UGGT2: variants seen among roughly 807,000 people sequenced by gnomAD.
UGGT2 encodes the protein UDP-glucose glycoprotein glucosyltransferase 2.
In UGGT2, 180 loss-of-function variants were observed where a neutral mutation model predicts 192.1. That is an observed-to-expected ratio of 0.94 (90% CI 0.83 to 1.06). The LOEUF (loss-of-function observed/expected upper bound fraction) is 1.06. UGGT2 is among the 50% of genes least tolerant of loss of function. The pLI, the probability that UGGT2 is intolerant of heterozygous loss-of-function variation, is 0.00. For synonymous variants in UGGT2, 580 were observed against 591.0 expected (o/e 0.98, Z 0.27); for missense variants, 1,849 against 1,795.7 (o/e 1.03, Z -0.54).
chr13:95,855,560 T>C (rs930360249), intron 34 of UGGT2, among the ~76,000 whole-genome samples: 2 of 151,352 alleles, frequency 1.3e-5, no homozygotes, highest in African/African-American at 4.9e-5. Flanking sequence ...TCTCACTCTT[T>C]CACTCAGGCT....
At chr13:95,915,951 G>A (rs1409612296) in intron 20 of UGGT2, among the ~76,000 whole-genome samples, 6 of 152,182 alleles carry the variant, frequency 3.9e-5, no homozygotes, top group South Asian at 2.1e-4. Flanking sequence ...TCTGCAGTTC[G>A]GTTGACTCAG....
chr13:95,962,599 C>G (rs1245712460), intron 12 of UGGT2, among the ~76,000 whole-genome samples: 1 of 152,090 alleles, frequency 6.6e-6, no homozygotes, highest in East Asian at 1.9e-4. Context: ...GGCTTTACTA[C>G]CTAATTCTAC....
At chr13:95,911,724 A>G (rs1483914557) in intron 20 of UGGT2, among the ~76,000 whole-genome samples, 1 of 152,194 alleles carries the variant, frequency 6.6e-6, no homozygotes, top group Non-Finnish European at 1.5e-5. Flanking sequence ...AATCCTCCCT[A>G]ACTCAACTTA....
At chr13:95,862,195 C>A (rs1478387713) in intron 31 of UGGT2, among the ~76,000 whole-genome samples, 1 of 152,060 alleles carries the variant, frequency 6.6e-6, no homozygotes, top group Non-Finnish European at 1.5e-5. Flanking sequence ...ATTTTTCTTA[C>A]CAAACAAGGA....
intron 13 of UGGT2, among the ~76,000 whole-genome samples, chr13:95,948,745 A>G (rs1186726876): frequency 6.6e-6 from 1 of 152,200 alleles, no homozygotes; most frequent in Admixed American, 6.5e-5. Context: ...TAACATTAAT[A>G]TGGTTATTAT....
intron 5 of UGGT2, among the ~76,000 whole-genome samples, chr13:96,005,356 G>T (rs2051939439): frequency 6.6e-6 from 1 of 152,130 alleles, no homozygotes; most frequent in Admixed American, 6.5e-5. Flanking sequence ...AGAGTGTGAA[G>T]CCCCTGGTAG....
chr13:95,966,117 C>T (rs927085499), intron 12 of UGGT2, among the ~76,000 whole-genome samples: 10 of 152,086 alleles, frequency 6.6e-5, no homozygotes, highest in Admixed American at 5.9e-4. Flanking sequence ...GCACTATTCA[C>T]GATAGCAAAC....
At chr13:95,836,402 G>A (rs1053060576) in intron 37 of UGGT2, among the ~76,000 whole-genome samples, 27 of 152,094 alleles carry the variant, frequency 1.8e-4, no homozygotes, top group African/African-American at 6.3e-4. Flanking sequence ...AATACAGAAA[G>A]CCTGAAATTG....
chr13:96,001,705 A>T (rs2051810665), intron 5 of UGGT2, among the ~76,000 whole-genome samples: 1 of 152,216 alleles, frequency 6.6e-6, no homozygotes, highest in South Asian at 2.1e-4. Context: ...AGATTTTCTT[A>T]TAAATTTTTA....
intron 20 of UGGT2, among the ~76,000 whole-genome samples, chr13:95,915,186 T>C (rs751923949): frequency 1.5e-4 from 23 of 152,212 alleles, no homozygotes; most frequent in Non-Finnish European, 3.1e-4. Context: ...AGTATTTGAA[T>C]TGTTAATTCC....
intron 25 of UGGT2, among the ~76,000 whole-genome samples, chr13:95,889,679 A>G (rs1357733672): frequency 6.6e-6 from 1 of 152,196 alleles, no homozygotes; most frequent in Non-Finnish European, 1.5e-5. Flanking sequence ...TTCTAAGTAA[A>G]ATGGTAAGCC....
At chr13:95,909,931 A>G (rs1380888334) in intron 20 of UGGT2, among the ~76,000 whole-genome samples, 1 of 152,082 alleles carries the variant, frequency 6.6e-6, no homozygotes. Context: ...AGTGGGGGAC[A>G]ATATTCAACA....
At chr13:95,972,786 G>A in intron 10 of UGGT2, 115 bp from the exon 11 acceptor site, 2 of 713,148 alleles carry the variant, frequency 2.8e-6, no homozygotes, top group East Asian at 2.7e-5. Context: ...GGTTTGGCAG[G>A]CCATACAGTC....
Position 96,001,419 on chromosome 13 carries a change from A to G in UGGT2, c.661-2112T>C, listed in dbSNP as rs553713893. ...TTTCCTTTACCTGCCCAAATCTTAT[A>G]AAACGGCCCCACCCCATCTCCCTTC... On this transcript the variant is annotated intron_variant, in intron 5 of 38. Transcript: ENST00000376747. 2.5e-4 allele frequency among the ~76,000 whole-genome samples: 38 copies of G among 152,102 alleles called. 1 individual carries two copies. Among genetic ancestry groups the G allele is most frequent in the African/African-American group, 8.4e-4 (35 of 41,490 alleles).
chr13:95,862,844 T>C (rs1458649928), intron 31 of UGGT2, among the ~76,000 whole-genome samples: 11 of 152,136 alleles, frequency 7.2e-5, no homozygotes, highest in Admixed American at 7.2e-4. Flanking sequence ...TCTTTAGATA[T>C]CTGAGACAAT....
At chr13:95,954,023 C>T (rs1382831742) in intron 12 of UGGT2, among the ~76,000 whole-genome samples, 2 of 152,156 alleles carry the variant, frequency 1.3e-5, no homozygotes, top group South Asian at 4.1e-4. Context: ...AAATCCAAAA[C>T]GTTCCAAAAT....
chr13:95,868,833 A>C (rs1890928336), intron 29 of UGGT2, among the ~76,000 whole-genome samples: 1 of 152,074 alleles, frequency 6.6e-6, no homozygotes. Context: ...CACTTCCATC[A>C]GGTAGCAGAG....
chr13:95,817,152 CT>C (rs1404007036), intron 38 of UGGT2, among the ~76,000 whole-genome samples: 1 of 151,944 alleles, frequency 6.6e-6, no homozygotes, highest in Non-Finnish European at 1.5e-5. Flanking sequence ...AAACTGTAAG[CT>C]TAAAATTGGT....
chr13:95,814,852 C>G (rs1457158657), intron 38 of UGGT2, among the ~76,000 whole-genome samples: 1 of 152,118 alleles, frequency 6.6e-6, no homozygotes, highest in Non-Finnish European at 1.5e-5. Context: ...GAAATTAAAA[C>G]CAGCAATATA....
Sources: gnomAD v4.1 joint callset for allele counts (sites outside exome capture counted in the v4.1 genomes callset) on GRCh38, gnomAD v4.1.1 for gene constraint, MANE v1.5 for transcripts, NCBI Gene and HGNC (gene_info 2026-07-23, HGNC 2026-07-21) for gene names.